Variants in ATE1 observed in about 807,000 individuals in gnomAD.
ATE1 encodes the protein arginyltransferase 1.
In ATE1, 36 loss-of-function variants were observed where a neutral mutation model predicts 70.5. The observed-to-expected ratio is 0.51, with a 90% CI of 0.39 to 0.67. The LOEUF is 0.67. ATE1 is among the 30% of genes least tolerant of loss of function. The pLI is 0.00. For synonymous variants in ATE1, 232 were observed against 219.3 expected (o/e 1.06, Z -0.51); for missense variants, 593 against 629.5 (o/e 0.94, Z 0.62).
chr10:121,813,965 C>T lies in ATE1; in HGVS notation c.1257+22753G>A, dbSNP rs1158641515. Among the ~76,000 whole-genome samples the T allele has an allele frequency of 2.0e-5, 3 of 152,138 alleles. No individual in the cohort carries two copies. The South Asian group carries it at 6.2e-4, about 32-fold the overall frequency. ...CTTCTCAGATCCATGTTTATGAAGC[C>T]CTAATCTCTTCAGCAGAGTCTATGG... On this transcript the variant is annotated intron_variant, in intron 10 of 11. Coordinates refer to ENST00000224652, the MANE Select transcript of ATE1 (RefSeq NM_001001976.3).
chr10:121,775,687 C>T (rs1404108708), intron 11 of ATE1, among the ~76,000 whole-genome samples: 4 of 152,088 alleles, frequency 2.6e-5, no homozygotes, highest in Admixed American at 1.3e-4. Flanking sequence ...TTATTAGTAC[C>T]GCCAGCATTA....
chr10:121,794,661 T>TAA (rs374044559), intron 10 of ATE1, among the ~76,000 whole-genome samples: 660 of 65,690 alleles, frequency 0.01, 10 homozygotes, highest in Middle Eastern at 0.029. Context: ...GAATGTCTGG[T>TAA]AAAAAAAAAA....
At chr10:121,788,030 G>A (rs1447541080) in intron 11 of ATE1, among the ~76,000 whole-genome samples, 1 of 152,192 alleles carries the variant, frequency 6.6e-6, no homozygotes, top group Non-Finnish European at 1.5e-5. Flanking sequence ...AACTTATACA[G>A]AAACAGTTTT....
chr10:121,743,453 A>C lies in ATE1; in HGVS notation c.*227T>G. On this transcript the variant is annotated 3_prime_UTR_variant, in exon 12 of 12. Transcript: ENST00000224652. Reference sequence around the variant, plus strand: ...TAGAAAGAATCCTCCAAAATGATAAATCCCAATTATGGGGGCTAGGTCATA... The same window carrying C: ...TAGAAAGAATCCTCCAAAATGATAACTCCCAATTATGGGGGCTAGGTCATA... The C allele has an allele frequency of 1.2e-6, 1 of 809,778 alleles. No homozygotes were observed. Among genetic ancestry groups the C allele is most frequent in the Non-Finnish European group, 1.6e-6 (1 of 613,200 alleles). 50.2% of individuals were successfully genotyped at this position (809,778 alleles called of 1,614,324 possible).
At position 121,743,706 on chromosome 10, in the gene ATE1, C is replaced by T. The variant is rs146965571; in HGVS notation, c.1531G>A (p.Glu511Lys). ...CAGTTTCTGAACAGCAGCATCCGCT[C>T]GGAGCACTTCTGCCCCACCAGGCTG... ...YASLVGQKCS[E>K]RMLLFRN The change falls in exon 12 of 12, where the codon GAG becomes AAG. Residue 511 changes from glutamate (E) to lysine (K), a missense_variant. Around this residue, in one of 3 missense-constraint regions of ATE1, gnomAD observed 90 missense variants for 93.7 expected, o/e 0.96. Transcript: ENST00000224652. The T allele has an allele frequency of 5.1e-5, 82 of 1,612,538 alleles. No individual in the cohort carries two copies. The highest frequency in any genetic ancestry group is 6.5e-5 in the Non-Finnish European group (77 of 1,179,556).
At chr10:121,761,388 T>C (rs1048859806) in intron 11 of ATE1, among the ~76,000 whole-genome samples, 2 of 152,196 alleles carry the variant, frequency 1.3e-5, no homozygotes, top group African/African-American at 4.8e-5. Flanking sequence ...GCAAAAACAT[T>C]ATGATTTGCT....
At chr10:121,924,437 A>G (rs1310904521) in intron 1 of ATE1, 108 bp from the exon 2 acceptor site, 5 of 1,040,464 alleles carry the variant, frequency 4.8e-6, no homozygotes, top group Non-Finnish European at 4.4e-6. Context: ...ACGGTGGCTC[A>G]TGCCTGTAAT....
intron 11 of ATE1, among the ~76,000 whole-genome samples, chr10:121,745,936 T>C (rs1188382304): frequency 2.6e-5 from 4 of 152,172 alleles, no homozygotes; most frequent in Non-Finnish European, 5.9e-5. Context: ...AGATAGACTG[T>C]TAAGTGAAAG....
chr10:121,922,985 T>A (rs1030576599), intron 2 of ATE1, among the ~76,000 whole-genome samples: 1 of 152,122 alleles, frequency 6.6e-6, no homozygotes, highest in Admixed American at 6.6e-5. Context: ...AATTGTCCCC[T>A]CTTCTCTATC....
chr10:121,798,899 A>G (rs936485775), intron 10 of ATE1, among the ~76,000 whole-genome samples: 5 of 136,554 alleles, frequency 3.7e-5, no homozygotes, highest in Non-Finnish European at 8.3e-5. Flanking sequence ...ACTCTGTCTC[A>G]AGAAAAAAAA....
intron 11 of ATE1, among the ~76,000 whole-genome samples, chr10:121,778,855 T>C (rs1332287644): frequency 6.6e-6 from 1 of 152,014 alleles, no homozygotes; most frequent in Admixed American, 6.6e-5. Context: ...CGCCTGCCTC[T>C]GCCTCCCAAA....
At chr10:121,904,640 CAAA>C (rs778557337) in intron 5 of ATE1, among the ~76,000 whole-genome samples, 100 of 46,482 alleles carry the variant, frequency 2.2e-3, no homozygotes, top group African/African-American at 3.0e-3. Context: ...GACTCCGTCT[CAAA>C]AAAAAAAAAA....
At chr10:121,797,401 T>C (rs1484298254) in intron 10 of ATE1, among the ~76,000 whole-genome samples, 2 of 152,152 alleles carry the variant, frequency 1.3e-5, no homozygotes, top group Non-Finnish European at 2.9e-5. Flanking sequence ...TTTGTTTTCA[T>C]AAGGTTGTAC....
intron 11 of ATE1, among the ~76,000 whole-genome samples, chr10:121,750,720 T>G (rs1944545115): frequency 1.3e-5 from 2 of 152,232 alleles, no homozygotes; most frequent in Non-Finnish European, 2.9e-5. Flanking sequence ...TCTCTTAACT[T>G]CATTATTTAC....
At chr10:121,832,093 C>G (rs1297200810) in intron 10 of ATE1, among the ~76,000 whole-genome samples, 1 of 152,146 alleles carries the variant, frequency 6.6e-6, no homozygotes, top group Non-Finnish European at 1.5e-5. Context: ...AATTCAATAG[C>G]TCAGTTTGTG....
intron 7 of ATE1, among the ~76,000 whole-genome samples, chr10:121,876,190 T>C (rs1950043331): frequency 6.6e-6 from 1 of 152,196 alleles, no homozygotes; most frequent in Non-Finnish European, 1.5e-5. Context: ...ACAGATGTAC[T>C]ATAATAAAAT....
chr10:121,845,435 TC>T (rs1482192929), intron 8 of ATE1, among the ~76,000 whole-genome samples: 1 of 152,178 alleles, frequency 6.6e-6, no homozygotes, highest in Non-Finnish European at 1.5e-5. Context: ...GTTTGCAGCA[TC>T]CCAGGAAGAA....
At chr10:121,826,413 C>A (rs974756328) in intron 10 of ATE1, among the ~76,000 whole-genome samples, 1 of 152,134 alleles carries the variant, frequency 6.6e-6, no homozygotes, top group African/African-American at 2.4e-5. Context: ...TCAAGCAATT[C>A]TCCTGCCTCA....
chr10:121,829,429 AAAACAAAAAAAAAGG>A (rs1413107870), intron 10 of ATE1, among the ~76,000 whole-genome samples: 2 of 143,046 alleles, frequency 1.4e-5, no homozygotes, highest in Non-Finnish European at 1.6e-5. Context: ...TCACAAAAAG[AAAACAAAAAAAAAGG>A]AAAGAAAAAA....
Sources: allele counts gnomAD v4.1 joint callset (sites outside exome capture counted in the v4.1 genomes callset), GRCh38; gene constraint gnomAD v4.1.1; regional missense constraint gnomAD v4.1.1; transcripts MANE v1.5; gene names NCBI Gene and HGNC (gene_info 2026-07-23, HGNC 2026-07-21).